MLLT10: variants seen among roughly 807,000 people sequenced by gnomAD.
The protein encoded by MLLT10 is protein AF-10.
In MLLT10, 30 loss-of-function variants were observed where a neutral mutation model predicts 129.1. That is an observed-to-expected ratio of 0.23 (90% CI 0.17 to 0.32). The LOEUF (loss-of-function observed/expected upper bound fraction) is 0.32, where lower values mean the gene tolerates loss of function less well. Among genes scored for constraint, MLLT10 ranks in the 10% least tolerant of loss-of-function variants. The pLI is 1.00. For synonymous variants in MLLT10, 490 were observed against 446.4 expected (o/e 1.10, Z -1.23); for missense variants, 1,119 against 1,268.3 (o/e 0.88, Z 1.79).
At chr10:21,539,899 C>A (rs2034794596) in intron 3 of MLLT10, among the ~76,000 whole-genome samples, 1 of 150,700 alleles carries the variant, frequency 6.6e-6, no homozygotes, top group African/African-American at 2.4e-5. Context: ...GAGCTGAGAT[C>A]ATGCCATTGC....
chr10:21,718,717 GTTGTTTGT>G lies in MLLT10; in HGVS notation c.1878+4778_1878+4785del, dbSNP rs548036769. Among the ~76,000 whole-genome samples the G allele has an allele frequency of 8.2e-4, 125 of 152,240 alleles. 1 individual carries two copies. Among genetic ancestry groups the G allele is most frequent in the Middle Eastern group, 3.4e-3 (1 of 294 alleles). Reference sequence around the variant, plus strand: ...AATGCAGATATTTCGTGTTTTTGTTGTTGTTTGTTTGTTTGTTTTTTTGAGACGGAGTC... The same window carrying G: ...AATGCAGATATTTCGTGTTTTTGTTGTTGTTTGTTTTTTTGAGACGGAGTC... On this transcript the variant is annotated intron_variant, in intron 14 of 22. Transcript: ENST00000307729.
chr10:21,680,123 C>T (rs924948673), intron 11 of MLLT10, among the ~76,000 whole-genome samples: 1 of 152,076 alleles, frequency 6.6e-6, no homozygotes, highest in Non-Finnish European at 1.5e-5. Flanking sequence ...TTGTTCTCTG[C>T]ACCCTCTGCT....
chr10:21,568,738 A>G (rs565751343), intron 3 of MLLT10, among the ~76,000 whole-genome samples: 2 of 152,180 alleles, frequency 1.3e-5, no homozygotes, highest in Non-Finnish European at 2.9e-5. Context: ...CCCGGGTTCA[A>G]GCAGTTCTCT....
At chr10:21,691,441 A>G (rs978662561) in intron 13 of MLLT10, among the ~76,000 whole-genome samples, 1 of 152,240 alleles carries the variant, frequency 6.6e-6, no homozygotes, top group African/African-American at 2.4e-5. Flanking sequence ...ATGTAATAAC[A>G]GCTAGGTATT....
At chr10:21,549,210 A>G (rs1226792672) in intron 3 of MLLT10, among the ~76,000 whole-genome samples, 2 of 141,134 alleles carry the variant, frequency 1.4e-5, no homozygotes, top group Non-Finnish European at 3.0e-5. Flanking sequence ...TGCAACCTGC[A>G]CCTCCCGGAT....
At chr10:21,672,242 G>T (rs2051513417) in intron 10 of MLLT10, among the ~76,000 whole-genome samples, 1 of 148,804 alleles carries the variant, frequency 6.7e-6, no homozygotes, top group Non-Finnish European at 1.5e-5. Context: ...TTGTTGCCCA[G>T]GCTGGAGGGC....
intron 2 of MLLT10, among the ~76,000 whole-genome samples, chr10:21,537,860 T>C (rs768972665): frequency 6.6e-6 from 1 of 152,250 alleles, no homozygotes; most frequent in Non-Finnish European, 1.5e-5. Context: ...TGGTTATTAG[T>C]GTTTTTAGAG....
At chr10:21,572,524 T>G (rs1033142704) in intron 3 of MLLT10, among the ~76,000 whole-genome samples, 3 of 152,186 alleles carry the variant, frequency 2.0e-5, no homozygotes, top group African/African-American at 7.2e-5. Flanking sequence ...GTATAGTATA[T>G]CTCTCCATTT....
chr10:21,700,520 T>C (rs1253884715), intron 13 of MLLT10, among the ~76,000 whole-genome samples: 1 of 152,190 alleles, frequency 6.6e-6, no homozygotes, highest in Non-Finnish European at 1.5e-5. Context: ...TGGCCTTTAT[T>C]ATTTTGCAGA....
chr10:21,539,070 A>G (rs749651380), intron 3 of MLLT10, 158 bp downstream of exon 3: 7 of 507,770 alleles, frequency 1.4e-5, no homozygotes, highest in African/African-American at 1.9e-5. Flanking sequence ...TATTAAACAG[A>G]TTTTGTAAAA....
At chr10:21,727,600 T>C (rs1196188414) in intron 15 of MLLT10, among the ~76,000 whole-genome samples, 2 of 152,220 alleles carry the variant, frequency 1.3e-5, no homozygotes, top group Non-Finnish European at 2.9e-5. Context: ...GCTTCTGTGC[T>C]GTAAAATTGA....
intron 21 of MLLT10, among the ~76,000 whole-genome samples, chr10:21,736,842 G>A (rs985037534): frequency 6.6e-6 from 1 of 152,196 alleles, no homozygotes; most frequent in Non-Finnish European, 1.5e-5. Flanking sequence ...TGGGGTTAGT[G>A]CTGCACAGGT....
chr10:21,717,589 TTCCTC>T (rs1564710209), intron 14 of MLLT10, among the ~76,000 whole-genome samples: 13 of 117,620 alleles, frequency 1.1e-4, no homozygotes, highest in Non-Finnish European at 1.9e-4. Flanking sequence ...TTTCTTCCTC[TTCCTC>T]TTCTTTCTTC....
At chr10:21,636,373 A>G (rs1168001044) in intron 8 of MLLT10, among the ~76,000 whole-genome samples, 1 of 151,662 alleles carries the variant, frequency 6.6e-6, no homozygotes, top group Non-Finnish European at 1.5e-5. Flanking sequence ...TCCTTCTCCC[A>G]CCTTGGCCTT....
At chr10:21,547,869 A>T (rs532143777) in intron 3 of MLLT10, among the ~76,000 whole-genome samples, 11 of 152,192 alleles carry the variant, frequency 7.2e-5, no homozygotes, top group Middle Eastern at 3.4e-3. Context: ...CGTGTGTTTT[A>T]AAAAAATAGT....
At chr10:21,592,337 CTT>C (rs1350626677) in intron 4 of MLLT10, among the ~76,000 whole-genome samples, 10 of 151,852 alleles carry the variant, frequency 6.6e-5, no homozygotes, top group Non-Finnish European at 1.3e-4. Context: ...TAATGGAAAA[CTT>C]TTAAAAAATG....
At chr10:21,689,344 G>A (rs1366780500) in intron 13 of MLLT10, among the ~76,000 whole-genome samples, 1 of 151,722 alleles carries the variant, frequency 6.6e-6, no homozygotes, top group Admixed American at 6.6e-5. Flanking sequence ...TTAATGGTCA[G>A]TAGGAGTTCA....
chr10:21,727,254 A>C (rs1018092747), intron 15 of MLLT10, among the ~76,000 whole-genome samples: 2 of 152,184 alleles, frequency 1.3e-5, no homozygotes, highest in Non-Finnish European at 2.9e-5. Flanking sequence ...GAGATATATG[A>C]TATTACCTAA....
intron 8 of MLLT10, among the ~76,000 whole-genome samples, chr10:21,621,156 T>G (rs1405236849): frequency 6.8e-6 from 1 of 147,642 alleles, no homozygotes; most frequent in Non-Finnish European, 1.5e-5. Context: ...GCTAATTTTT[T>G]GTATTTTTTT....
Sources: allele counts gnomAD v4.1 joint callset (sites outside exome capture counted in the v4.1 genomes callset), GRCh38; gene constraint gnomAD v4.1.1; transcripts MANE v1.5; gene names NCBI Gene and HGNC (gene_info 2026-07-23, HGNC 2026-07-21).